DIXDC1: variants seen among roughly 807,000 people sequenced by gnomAD.
DIXDC1 encodes dixin.
A neutral mutation model predicts 103.1 loss-of-function variants in DIXDC1; 64 were observed. The ratio of observed to expected loss-of-function variants is 0.62; its 90% CI spans 0.51 to 0.76. The LOEUF is 0.76. Among genes scored for constraint, DIXDC1 ranks in the 30% least tolerant of loss-of-function variants. The pLI is 0.00. For missense variants in DIXDC1, 759 were observed against 834.2 expected, an observed-to-expected ratio of 0.91 and a Z score of 1.11; for synonymous variants, 266 against 298.5, an observed-to-expected ratio of 0.89 and a Z score of 1.12.
chr11:111,974,752 G>A, intron 4 of DIXDC1, 124 bp from the exon 5 acceptor site: 1 of 1,475,116 alleles, frequency 6.8e-7, no homozygotes, highest in Non-Finnish European at 9.0e-7. Flanking sequence ...GTGTCTTTGA[G>A]GCAGGGGTTT....
chr11:112,009,314 A>C (rs914972748), intron 17 of DIXDC1, among the ~76,000 whole-genome samples: 1 of 152,184 alleles, frequency 6.6e-6, no homozygotes, highest in Admixed American at 6.5e-5. Context: ...GGCAATAATT[A>C]ATAGCCTACC....
intron 18 of DIXDC1, 115 bp downstream of exon 18, chr11:112,016,911 C>A: frequency 4.8e-6 from 4 of 832,784 alleles, no homozygotes; most frequent in South Asian, 1.6e-5. Flanking sequence ...ATAGTGAGAT[C>A]TCACTATAGT....
chr11:111,995,373 A>T (rs781947488), intron 15 of DIXDC1, 30 bp from the exon 16 acceptor site: 1 of 1,606,946 alleles, frequency 6.2e-7, no homozygotes, highest in African/African-American at 1.3e-5. Flanking sequence ...GCACCGTGCC[A>T]TGCCAGCAAC....
intron 1 of DIXDC1, among the ~76,000 whole-genome samples, chr11:111,954,972 A>G (rs1181383253): frequency 6.6e-6 from 1 of 151,938 alleles, no homozygotes; most frequent in South Asian, 2.1e-4. Context: ...ATATGTCAAG[A>G]TAAGTACATA....
intron 1 of DIXDC1, among the ~76,000 whole-genome samples, chr11:111,954,842 T>C (rs1555170416): frequency 6.6e-6 from 1 of 152,120 alleles, no homozygotes; most frequent in Non-Finnish European, 1.5e-5. Context: ...GGATGAACTC[T>C]GTGGTGTTGG....
At chr11:111,985,428 C>A in intron 8 of DIXDC1, 107 bp downstream of exon 8, 1 of 887,356 alleles carries the variant, frequency 1.1e-6, no homozygotes, top group Non-Finnish European at 1.7e-6. Flanking sequence ...CTTCCTTGAC[C>A]AGTTCTGGTT....
intron 1 of DIXDC1, among the ~76,000 whole-genome samples, chr11:111,960,158 C>T (rs1324700668): frequency 1.3e-5 from 2 of 151,768 alleles, no homozygotes; most frequent in African/African-American, 2.4e-5. Context: ...GATCCGCCCA[C>T]CTTGGCCTCC....
chr11:112,000,730 G>C (rs587696273), intron 17 of DIXDC1, among the ~76,000 whole-genome samples: 6 of 149,446 alleles, frequency 4.0e-5, no homozygotes, highest in South Asian at 4.2e-4. Flanking sequence ...CCCAAGAAAA[G>C]ATGCCCAAAA....
At chr11:111,994,756 G>C (rs1860831399) in intron 14 of DIXDC1, among the ~76,000 whole-genome samples, 2 of 152,140 alleles carry the variant, frequency 1.3e-5, no homozygotes, top group Non-Finnish European at 2.9e-5. Flanking sequence ...CAGAGGCTAG[G>C]TTGGGGCCTC....
At chr11:111,957,759 T>C (rs1859436891) in intron 1 of DIXDC1, among the ~76,000 whole-genome samples, 1 of 152,176 alleles carries the variant, frequency 6.6e-6, no homozygotes, top group Admixed American at 6.5e-5. Flanking sequence ...CACTGTGAGA[T>C]CTTGGAAGGG....
intron 1 of DIXDC1, among the ~76,000 whole-genome samples, chr11:111,953,465 C>T (rs1008238296): frequency 8.6e-5 from 13 of 151,970 alleles, no homozygotes; most frequent in South Asian, 2.1e-4. Context: ...GGTGAAACCC[C>T]GTCTCTACTA....
At chr11:111,968,369 A>T in intron 2 of DIXDC1, 144 bp from the exon 3 acceptor site, 1 of 854,270 alleles carries the variant, frequency 1.2e-6, no homozygotes, top group Non-Finnish European at 1.7e-6. Flanking sequence ...CATCTAAATG[A>T]CAAACACCAG....
intron 1 of DIXDC1, among the ~76,000 whole-genome samples, chr11:111,944,155 C>A (rs1034028355): frequency 1.3e-5 from 2 of 152,212 alleles, no homozygotes; most frequent in Non-Finnish European, 2.9e-5. Flanking sequence ...TCCTCATCTT[C>A]TGCTGCTGGA....
chr11:111,993,133 G>A, intron 12 of DIXDC1, 129 bp downstream of exon 12: 1 of 1,062,334 alleles, frequency 9.4e-7, no homozygotes, highest in Non-Finnish European at 1.3e-6. Context: ...TTGCTTTTTA[G>A]AAGGAAGCAT....
In DIXDC1 at chr11:111,943,511, G is replaced by GT. The variant is rs1179811031; in HGVS notation, c.60+5958dup. 9.2e-5 allele frequency among the ~76,000 whole-genome samples: 5 copies of GT among 54,114 alleles called. No homozygotes were observed. The East Asian group carries it at 1.8e-3, about 19-fold the overall frequency. The allele number at this position is 54,114 out of a possible 152,430, so 35.5% of individuals were successfully genotyped here. A position where few individuals can be genotyped will look rare whatever the true frequency, so the allele number is the denominator to read the frequency against. On this transcript the variant is annotated intron_variant, in intron 1 of 19. Transcript: ENST00000440460. The stretch of plus-strand genomic sequence containing the variant: ...TCTTTTTTTTTTTTTTTTTTTTTTT[G>GT]TTTTTTGAGACGGAGGCTTGCTCTG...
chr11:111,937,129 G>GGGGA (rs1422868080), upstream of DIXDC1: 3 of 708,182 alleles, frequency 4.2e-6, 1 homozygote, highest in African/African-American at 5.0e-5. Context: ...CTGCGGCCCG[G>GGGGA]GCGGGGGGGG....
In DIXDC1 at chr11:111,937,377, A is replaced by T. The variant is rs980117244; in HGVS notation, c.-123A>T. On this transcript the variant is annotated 5_prime_UTR_variant, in exon 1 of 20. The change abolishes an upstream ATG in the 5' untranslated region. Coordinates refer to ENST00000440460, the MANE Select transcript of DIXDC1 (RefSeq NM_001037954.4). The stretch of plus-strand genomic sequence containing the variant: ...CCAGTCTAGGTTTCCAGTAAGTGGC[A>T]TGCGGGACTCCGGAGGGATCCCAAT... The T allele has an allele frequency of 1.6e-5, 23 of 1,459,812 alleles. No individual in the cohort carries two copies. The highest frequency in any genetic ancestry group is 1.4e-5 in the African/African-American group (1 of 69,476). 90.4% of individuals were successfully genotyped at this position (1,459,812 alleles called of 1,614,324 possible).
chr11:111,988,979 C>T (rs1555174186), intron 9 of DIXDC1, 26 bp from the exon 10 acceptor site: 1 of 1,603,956 alleles, frequency 6.2e-7, no homozygotes, highest in Admixed American at 1.7e-5. Context: ...ATGTCACCAT[C>T]TGATCTAACT....
chr11:111,966,931 A>C (rs1347014393), intron 2 of DIXDC1, among the ~76,000 whole-genome samples: 1 of 152,078 alleles, frequency 6.6e-6, no homozygotes, highest in Non-Finnish European at 1.5e-5. Context: ...CAGGCCTCAG[A>C]CCTCATTTTA....
Sources: gnomAD v4.1 joint callset for allele counts (sites outside exome capture counted in the v4.1 genomes callset) on GRCh38, gnomAD v4.1.1 for gene constraint, MANE v1.5 for transcripts, NCBI Gene and HGNC (gene_info 2026-07-23, HGNC 2026-07-21) for gene names.